Variants in SGMS1 observed in about 807,000 individuals in gnomAD.
SGMS1 encodes phosphatidylcholine:ceramide cholinephosphotransferase 1.
In SGMS1, 13 loss-of-function variants were observed where a neutral mutation model predicts 46.2. That is an observed-to-expected ratio of 0.28 (90% confidence interval 0.18 to 0.45). SGMS1 has a LOEUF of 0.45. SGMS1 is among the 20% of genes least tolerant of loss of function. The pLI, the probability that SGMS1 is intolerant of heterozygous loss-of-function variation, is 1.00. For missense variants in SGMS1, 324 were observed against 519.9 expected (o/e 0.62, Z 3.66); for synonymous variants, 203 against 187.8 (o/e 1.08, Z -0.66).
intron 3 of SGMS1, among the ~76,000 whole-genome samples, chr10:50,483,585 A>G (rs534616425): frequency 1.3e-5 from 2 of 152,334 alleles, no homozygotes; most frequent in South Asian, 2.1e-4. Flanking sequence ...ACAAAAGAAT[A>G]TACATTCTTC....
chr10:50,481,964 C>G (rs1466957446), intron 3 of SGMS1, among the ~76,000 whole-genome samples: 2 of 151,692 alleles, frequency 1.3e-5, no homozygotes, highest in Admixed American at 6.6e-5. Context: ...GACAGGCAGA[C>G]AAGATTAGAG....
intron 2 of SGMS1, among the ~76,000 whole-genome samples, chr10:50,539,796 T>C (rs1260008894): frequency 6.6e-6 from 1 of 152,104 alleles, no homozygotes; most frequent in Non-Finnish European, 1.5e-5. Flanking sequence ...ACTAGCAAAA[T>C]AAACATTAAG....
At chr10:50,442,981 T>G (rs987702979) in intron 5 of SGMS1, among the ~76,000 whole-genome samples, 1 of 152,232 alleles carries the variant, frequency 6.6e-6, no homozygotes, top group Non-Finnish European at 1.5e-5. Flanking sequence ...CCTGCTTTAC[T>G]ATTCAAACTG....
At chr10:50,426,826 A>T (rs776509938) in intron 6 of SGMS1, among the ~76,000 whole-genome samples, 2 of 152,176 alleles carry the variant, frequency 1.3e-5, no homozygotes, top group Non-Finnish European at 2.9e-5. Flanking sequence ...AGTAAAATGA[A>T]ATTAAGTTGG....
intron 6 of SGMS1, among the ~76,000 whole-genome samples, chr10:50,417,581 T>C (rs566488440): frequency 6.6e-6 from 1 of 152,192 alleles, no homozygotes; most frequent in Non-Finnish European, 1.5e-5. Context: ...TGCATCCTTG[T>C]GGCACTTAGT....
intron 7 of SGMS1, chr10:50,342,800 G>A (rs1460440072): frequency 1.3e-5 from 2 of 152,218 alleles, no homozygotes; most frequent in African/African-American, 4.8e-5. Flanking sequence ...GGTCCATGTT[G>A]AGTTTAGAGC....
chr10:50,440,885 C>T (rs1322007097), intron 5 of SGMS1, among the ~76,000 whole-genome samples: 1 of 152,212 alleles, frequency 6.6e-6, no homozygotes, highest in Non-Finnish European at 1.5e-5. Flanking sequence ...GTTGGGATTA[C>T]AGGCATGAGC....
At chr10:50,561,898 C>T (rs1224348761) in intron 2 of SGMS1, among the ~76,000 whole-genome samples, 1 of 152,162 alleles carries the variant, frequency 6.6e-6, no homozygotes, top group African/African-American at 2.4e-5. Flanking sequence ...AGTACACCCA[C>T]TACCCCACTC....
intron 6 of SGMS1, among the ~76,000 whole-genome samples, chr10:50,365,441 G>C (rs1437523299): frequency 6.6e-6 from 1 of 151,766 alleles, no homozygotes; most frequent in Non-Finnish European, 1.5e-5. Flanking sequence ...TTTACTTTAA[G>C]TTACAAGATA....
intron 6 of SGMS1, among the ~76,000 whole-genome samples, chr10:50,369,549 C>A (rs1255995038): frequency 2.7e-5 from 4 of 149,864 alleles, no homozygotes; most frequent in African/African-American, 7.4e-5. Flanking sequence ...CATACATATG[C>A]CAAAAAAAAA....
chr10:50,381,695 A>C (rs1848608338), intron 6 of SGMS1, among the ~76,000 whole-genome samples: 1 of 152,208 alleles, frequency 6.6e-6, no homozygotes, highest in Admixed American at 6.5e-5. Flanking sequence ...ATAAAAGCCA[A>C]CCACACTCAG....
chr10:50,468,861 C>A (rs1028534), intron 3 of SGMS1, among the ~76,000 whole-genome samples: 10,410 of 152,242 alleles, frequency 0.068, 914 homozygotes, highest in East Asian at 0.37. Context: ...CTAAAAAGAT[C>A]TTCCTACATC....
At chr10:50,315,977 C>T (rs976730868) in intron 8 of SGMS1, among the ~76,000 whole-genome samples, 1 of 152,208 alleles carries the variant, frequency 6.6e-6, no homozygotes, top group Non-Finnish European at 1.5e-5. Context: ...GAATGAGACA[C>T]ACTATCAGGT....
intron 6 of SGMS1, among the ~76,000 whole-genome samples, chr10:50,404,328 A>T (rs1159620624): frequency 3.4e-4 from 49 of 145,684 alleles, no homozygotes; most frequent in Admixed American, 2.2e-3. Flanking sequence ...TTTTTTTTTT[A>T]AAAAGGCCAG....
At chr10:50,475,945 G>T (rs929880085) in intron 3 of SGMS1, among the ~76,000 whole-genome samples, 5 of 151,634 alleles carry the variant, frequency 3.3e-5, no homozygotes, top group Non-Finnish European at 7.4e-5. Flanking sequence ...AGCAGTACAA[G>T]AACAGACTAA....
chr10:50,453,395 G>T (rs1588834631), intron 5 of SGMS1, among the ~76,000 whole-genome samples: 3 of 151,530 alleles, frequency 2.0e-5, no homozygotes, highest in African/African-American at 7.2e-5. Flanking sequence ...AGGCTCTGGG[G>T]ATAAAACTGT....
At chr10:50,386,583 A>G (rs1401699475) in intron 6 of SGMS1, among the ~76,000 whole-genome samples, 1 of 151,962 alleles carries the variant, frequency 6.6e-6, no homozygotes, top group East Asian at 1.9e-4. Flanking sequence ...TGAACAAACC[A>G]ATGTGACAGA....
intron 6 of SGMS1, 29 bp from the exon 7 acceptor site, chr10:50,344,374 G>T (rs1384166796): frequency 1.4e-5 from 6 of 428,458 alleles, no homozygotes; most frequent in Non-Finnish European, 2.1e-5. Flanking sequence ...ATATCAAGAT[G>T]CTGTACTTCC....
intron 6 of SGMS1, among the ~76,000 whole-genome samples, chr10:50,381,436 T>C (rs899826259): frequency 2.0e-5 from 3 of 152,090 alleles, no homozygotes; most frequent in Admixed American, 1.3e-4. Flanking sequence ...AAAAAAGCAG[T>C]TGGAGTAAAT....
Sources: allele counts gnomAD v4.1 joint callset (sites outside exome capture counted in the v4.1 genomes callset), GRCh38; gene constraint gnomAD v4.1.1; transcripts MANE v1.5; gene names NCBI Gene and HGNC (gene_info 2026-07-23, HGNC 2026-07-21).